RASSF8: variants seen among roughly 807,000 people sequenced by gnomAD.
RASSF8 encodes the protein ras association domain-containing protein 8.
A neutral mutation model predicts 48.5 loss-of-function variants in RASSF8; 22 were observed. That is an observed-to-expected ratio of 0.45 (90% CI 0.32 to 0.65). The LOEUF (loss-of-function observed/expected upper bound fraction) is 0.65, where lower values mean the gene tolerates loss of function less well. Ranked by LOEUF, RASSF8 falls within the 30% of genes least tolerant of loss-of-function variation. The pLI is 0.03. For synonymous variants in RASSF8, 127 were observed against 171.5 expected (o/e 0.74, Z 2.03); for missense variants, 418 against 489.2 (o/e 0.85, Z 1.37).
At chr12:26,076,299 G>A (rs1178002341), downstream of RASSF8, among the ~76,000 whole-genome samples, 2 of 151,538 alleles carry the variant, frequency 1.3e-5, no homozygotes, top group African/African-American at 4.9e-5. Context: ...AAGTTCTAGG[G>A]TACATGTGCA....
chr12:25,960,354 G>A (rs1941201358), intron 1 of RASSF8, among the ~76,000 whole-genome samples: 1 of 152,204 alleles, frequency 6.6e-6, no homozygotes, highest in African/African-American at 2.4e-5. Context: ...CCAGAGTGAG[G>A]CGGTAGTGAA....
At chr12:26,066,741 C>A (rs1474711047) in intron 4 of RASSF8, among the ~76,000 whole-genome samples, 1 of 152,186 alleles carries the variant, frequency 6.6e-6, no homozygotes, top group Admixed American at 6.5e-5. Flanking sequence ...GAGAAAACAA[C>A]CATTCACTTC....
chr12:26,042,093 T>G (rs1338075934), intron 2 of RASSF8, among the ~76,000 whole-genome samples: 1 of 152,238 alleles, frequency 6.6e-6, no homozygotes, highest in Admixed American at 6.5e-5. Flanking sequence ...AATATAGTTA[T>G]AAATCAGAAA....
intron 2 of RASSF8, among the ~76,000 whole-genome samples, chr12:26,006,127 C>T (rs1407005593): frequency 3.3e-5 from 5 of 152,180 alleles, no homozygotes; most frequent in Non-Finnish European, 5.9e-5. Flanking sequence ...AAAAGATACT[C>T]ATATTGTAGG....
intron 3 of RASSF8, among the ~76,000 whole-genome samples, chr12:26,057,054 G>A (rs1466534991): frequency 6.6e-6 from 1 of 151,780 alleles, no homozygotes; most frequent in Non-Finnish European, 1.5e-5. Context: ...CAAAAGTCAA[G>A]GTAGTTGAGT....
chr12:26,057,682 A>G (rs1162259019), intron 3 of RASSF8, among the ~76,000 whole-genome samples: 1 of 152,186 alleles, frequency 6.6e-6, no homozygotes, highest in Admixed American at 6.5e-5. Context: ...TTCTAGTTCT[A>G]GATCCTTGAG....
intron 3 of RASSF8, among the ~76,000 whole-genome samples, chr12:26,057,452 T>C (rs1342988462): frequency 6.6e-6 from 1 of 152,198 alleles, no homozygotes; most frequent in South Asian, 2.1e-4. Flanking sequence ...ACAAAGGACA[T>C]GGACTCATCC....
At chr12:25,997,790 C>T (rs1942166552) in intron 2 of RASSF8, among the ~76,000 whole-genome samples, 1 of 152,168 alleles carries the variant, frequency 6.6e-6, no homozygotes, top group African/African-American at 2.4e-5. Context: ...TTGCATTCAT[C>T]ATCCTTTTTT....
chr12:25,966,648 T>A (rs1941367640), intron 1 of RASSF8, among the ~76,000 whole-genome samples: 1 of 152,224 alleles, frequency 6.6e-6, no homozygotes, highest in African/African-American at 2.4e-5. Flanking sequence ...GTTTTCTTAT[T>A]ATTAAATTTT....
At position 26,072,427 on chromosome 12, in the gene RASSF8, A is replaced by G; in HGVS notation, c.*3609A>G. 1.0e-6 allele frequency: 1 copy of G among 976,472 alleles called. No homozygotes were observed. Among genetic ancestry groups the G allele is most frequent in the South Asian group, 4.7e-5 (1 of 21,086 alleles). The allele number at this position is 976,472 out of a possible 1,614,324, so 60.5% of individuals were successfully genotyped here. A position where few individuals can be genotyped will look rare whatever the true frequency, so the allele number is the denominator to read the frequency against. On this transcript the variant is annotated 3_prime_UTR_variant, in exon 6 of 6. Transcript: ENST00000689635. ...AAGCTGCAGGAGCTCTTTTCAATGCATTTTATATATTTTTAGAAACCAAAT... is the reference window on the plus strand; with the variant it reads ...AAGCTGCAGGAGCTCTTTTCAATGCGTTTTATATATTTTTAGAAACCAAAT...
At chr12:26,012,891 G>T (rs1942564357) in intron 2 of RASSF8, among the ~76,000 whole-genome samples, 1 of 151,964 alleles carries the variant, frequency 6.6e-6, no homozygotes, top group African/African-American at 2.4e-5. Context: ...GCCCAGGCTG[G>T]TCTCGAACTG....
chr12:25,983,583 G>A (rs1336535696), intron 1 of RASSF8, among the ~76,000 whole-genome samples: 1 of 152,026 alleles, frequency 6.6e-6, no homozygotes, highest in Non-Finnish European at 1.5e-5. Flanking sequence ...AACTGCAATG[G>A]GTTACGACCA....
At chr12:26,051,272 A>C (rs531487138) in intron 2 of RASSF8, among the ~76,000 whole-genome samples, 1 of 152,232 alleles carries the variant, frequency 6.6e-6, no homozygotes, top group South Asian at 2.1e-4. Context: ...TATTTCCACA[A>C]TTGCCAAATA....
At chr12:26,045,201 A>G (rs1943347153) in intron 2 of RASSF8, among the ~76,000 whole-genome samples, 1 of 152,162 alleles carries the variant, frequency 6.6e-6, no homozygotes, top group Non-Finnish European at 1.5e-5. Flanking sequence ...TAATTTAACA[A>G]AGACTCATAG....
intron 1 of RASSF8, among the ~76,000 whole-genome samples, chr12:25,970,110 T>TTGG (rs955715541): frequency 1.3e-5 from 2 of 152,040 alleles, no homozygotes; most frequent in African/African-American, 2.4e-5. Flanking sequence ...TTTTTTTTTT[T>TTGG]TGGTGAGAGG....
chr12:25,959,730 CG>C (rs1790208936), intron 1 of RASSF8: 1 of 152,082 alleles, frequency 6.6e-6, no homozygotes, highest in Non-Finnish European at 1.5e-5. Context: ...CGCACAAAGC[CG>C]GAAGATTCAA....
At chr12:25,960,976 A>G (rs1941219021) in intron 1 of RASSF8, among the ~76,000 whole-genome samples, 2 of 152,236 alleles carry the variant, frequency 1.3e-5, no homozygotes, top group African/African-American at 4.8e-5. Flanking sequence ...GTAATTACAG[A>G]TTTAAAATTC....
At chr12:26,064,000 CAGG>C (rs1213546132) in intron 3 of RASSF8, among the ~76,000 whole-genome samples, 1 of 152,114 alleles carries the variant, frequency 6.6e-6, no homozygotes, top group Non-Finnish European at 1.5e-5. Context: ...TGTCTCCTTT[CAGG>C]AGGAGAAGTG....
intron 1 of RASSF8, among the ~76,000 whole-genome samples, chr12:25,981,575 A>G (rs1413476169): frequency 6.6e-6 from 1 of 152,250 alleles, no homozygotes; most frequent in African/African-American, 2.4e-5. Flanking sequence ...AGTTATTGCT[A>G]TCAGATGCAT....
Sources: allele counts gnomAD v4.1 joint callset (sites outside exome capture counted in the v4.1 genomes callset), GRCh38; gene constraint gnomAD v4.1.1; transcripts MANE v1.5; gene names NCBI Gene and HGNC (gene_info 2026-07-23, HGNC 2026-07-21).